Variants in ABCD2 observed in about 807,000 individuals in gnomAD.
ABCD2 encodes the protein ATP binding cassette subfamily D member 2.
ABCD2 carries 36 observed loss-of-function variants against 70.9 expected under a neutral mutation model. That is an observed-to-expected ratio of 0.51 (90% CI 0.39 to 0.67). ABCD2 has a LOEUF of 0.67. Ranked by LOEUF, ABCD2 falls within the 30% of genes least tolerant of loss-of-function variation. The pLI, the probability that ABCD2 is intolerant of heterozygous loss-of-function variation, is 0.00. For synonymous variants in ABCD2, 304 were observed against 306.9 expected (o/e 0.99, Z 0.10); for missense variants, 729 against 890.2 (o/e 0.82, Z 2.30).
At chr12:39,591,145 C>T (rs1025801179) in intron 6 of ABCD2, among the ~76,000 whole-genome samples, 1 of 152,124 alleles carries the variant, frequency 6.6e-6, no homozygotes, top group African/African-American at 2.4e-5. Flanking sequence ...AGTTAACAAT[C>T]TGAAAGGCAT....
chr12:39,591,570 G>T lies in ABCD2; in HGVS notation c.1647-5273C>A, dbSNP rs145875151. On this transcript the variant is annotated intron_variant, in intron 6 of 9. Transcript: ENST00000308666. ...CTACTAAAAATGCAAAAATTAGCCA[G>T]GTGTGGTGGCACACACCTGTAATCC... Among the ~76,000 whole-genome samples, 976 of 152,150 alleles carry T rather than the reference G, an allele frequency of 6.4e-3. 8 individuals carry two copies. The highest frequency in any genetic ancestry group is 0.023 in the African/African-American group (936 of 41,512).
intron 6 of ABCD2, among the ~76,000 whole-genome samples, chr12:39,597,111 A>G (rs189177583): frequency 3.3e-5 from 5 of 152,284 alleles, no homozygotes; most frequent in Admixed American, 3.3e-4. Flanking sequence ...ATGTATGCAA[A>G]TGATCTTCTG....
intron 8 of ABCD2, among the ~76,000 whole-genome samples, chr12:39,577,448 A>G (rs1941534887): frequency 6.6e-6 from 1 of 152,190 alleles, no homozygotes; most frequent in African/African-American, 2.4e-5. Flanking sequence ...TAGAATAGGC[A>G]ACATTCTACG....
At chr12:39,587,728 T>G (rs1941684952) in intron 6 of ABCD2, among the ~76,000 whole-genome samples, 1 of 152,122 alleles carries the variant, frequency 6.6e-6, no homozygotes, top group Non-Finnish European at 1.5e-5. Context: ...TCCCTCAAAG[T>G]GTTACTATTC....
In ABCD2 at chr12:39,603,940, TCTC is replaced by T. The variant is rs758097606; in HGVS notation, c.1469_1471del (p.Gly490del). 1.2e-6 allele frequency: 2 copies of T among 1,612,702 alleles called. No homozygotes were observed. The highest frequency in any genetic ancestry group is 1.3e-5 in the African/African-American group (1 of 74,974). On this transcript the variant is annotated inframe_deletion, in exon 5 of 10. Coordinates refer to ENST00000308666, the MANE Select transcript of ABCD2 (RefSeq NM_005164.4). ...GAAGTTTAGCCTGGAAGCCACCACT[TCTC>T]CTGCTGGTGTAATTATGGGAACATT... is the stretch of plus-strand genomic sequence containing the variant.
At chr12:39,565,543 G>T (rs1941332025) in intron 9 of ABCD2, among the ~76,000 whole-genome samples, 1 of 152,126 alleles carries the variant, frequency 6.6e-6, no homozygotes, top group African/African-American at 2.4e-5. Context: ...AGACAATGGG[G>T]TTTTCTAGGT....
intron 7 of ABCD2, among the ~76,000 whole-genome samples, chr12:39,584,187 T>C (rs1466205413): frequency 6.6e-6 from 1 of 152,210 alleles, no homozygotes; most frequent in African/African-American, 2.4e-5. Context: ...TTGTTATTTT[T>C]TGACTTTTTA....
At chr12:39,561,486 T>C (rs1941258247) in intron 9 of ABCD2, among the ~76,000 whole-genome samples, 1 of 151,030 alleles carries the variant, frequency 6.6e-6, no homozygotes, top group South Asian at 2.1e-4. Flanking sequence ...AAGGACAATA[T>C]AGACTAAAAG....
chr12:39,606,642 G>T (rs1328969220), intron 3 of ABCD2, among the ~76,000 whole-genome samples: 1 of 152,162 alleles, frequency 6.6e-6, no homozygotes, highest in East Asian at 1.9e-4. Flanking sequence ...TGAGTTGCTT[G>T]CTAGCCCTTT....
In ABCD2 at chr12:39,551,718, G is replaced by A. The variant is rs1039181846; in HGVS notation, c.*2194C>T. 6.6e-6 allele frequency: 1 copy of A among 151,734 alleles called. No individual in the cohort carries two copies. Among genetic ancestry groups the A allele is most frequent in the Non-Finnish European group, 1.5e-5 (1 of 67,712 alleles). The allele number at this position is 151,734 out of a possible 1,614,324, so 9.4% of individuals were successfully genotyped here. A position where few individuals can be genotyped will look rare whatever the true frequency, so the allele number is the denominator to read the frequency against. Reference sequence around the variant, plus strand: ...GAATCCTGTGCATCATAAATAATGAGTCTTTTTTGCTTTAGCTCATGGGTA... The same window carrying A: ...GAATCCTGTGCATCATAAATAATGAATCTTTTTTGCTTTAGCTCATGGGTA... On this transcript the variant is annotated 3_prime_UTR_variant, in exon 10 of 10. Coordinates refer to ENST00000308666, the MANE Select transcript of ABCD2 (RefSeq NM_005164.4).
At chr12:39,583,206 C>T (rs933926257) in intron 7 of ABCD2, among the ~76,000 whole-genome samples, 2 of 152,146 alleles carry the variant, frequency 1.3e-5, no homozygotes, top group African/African-American at 4.8e-5. Flanking sequence ...TAATGTTTTA[C>T]ATACAGTCTT....
chr12:39,558,399 G>A (rs1439570764), intron 9 of ABCD2, among the ~76,000 whole-genome samples: 1 of 152,208 alleles, frequency 6.6e-6, no homozygotes, highest in Non-Finnish European at 1.5e-5. Context: ...TTTTGAAAGT[G>A]AGGACATAAG....
chr12:39,577,297 G>A (rs1941532670), intron 8 of ABCD2, among the ~76,000 whole-genome samples: 1 of 151,932 alleles, frequency 6.6e-6, no homozygotes, highest in Admixed American at 6.6e-5. Context: ...TTTATGCTAT[G>A]TTCTTATTCA....
At chr12:39,567,264 C>G (rs973662615) in intron 9 of ABCD2, among the ~76,000 whole-genome samples, 1 of 152,196 alleles carries the variant, frequency 6.6e-6, no homozygotes, top group Non-Finnish European at 1.5e-5. Context: ...GTGCAGGAGT[C>G]TAAGTCTCTT....
chr12:39,567,500 C>A (rs1941371539), intron 9 of ABCD2, among the ~76,000 whole-genome samples: 1 of 152,038 alleles, frequency 6.6e-6, no homozygotes, highest in Non-Finnish European at 1.5e-5. Context: ...TTCCTCTATC[C>A]CTTTATTTTG....
chr12:39,586,430 C>T (rs1941667831), intron 6 of ABCD2, 133 bp from the exon 7 acceptor site: 8 of 825,198 alleles, frequency 9.7e-6, no homozygotes, highest in Admixed American at 3.1e-5. Context: ...TGTTACCTGG[C>T]GATGAGTACT....
chr12:39,537,444 C>T, the ABCD2 span, among the ~76,000 whole-genome samples: 2 of 152,176 alleles, frequency 1.3e-5, no homozygotes, highest in East Asian at 1.9e-4. Flanking sequence ...AAAATGATGT[C>T]TGAAATGTTT....
At chr12:39,602,444 G>T (rs957701441) in intron 5 of ABCD2, among the ~76,000 whole-genome samples, 1 of 152,032 alleles carries the variant, frequency 6.6e-6, no homozygotes, top group Non-Finnish European at 1.5e-5. Context: ...ATGAGCCACC[G>T]CGCCCAGCCT....
Position 39,576,471 on chromosome 12 carries a change from G to A in ABCD2, c.1878-2630C>T, listed in dbSNP as rs143255853. Among the ~76,000 whole-genome samples the A allele has an allele frequency of 2.2e-4, 34 of 152,062 alleles. 1 individual carries two copies. In the East Asian group the frequency reaches 6.6e-3, roughly 29 times the overall value. On this transcript the variant is annotated intron_variant, in intron 8 of 9. Transcript: ENST00000308666. ...ACCGCGCCCGGGATCAAGCTGTAAA[G>A]TTTACTCTTGAATTTCACTACATCT...
Sources: gnomAD v4.1 joint callset for allele counts (sites outside exome capture counted in the v4.1 genomes callset) on GRCh38, gnomAD v4.1.1 for gene constraint, MANE v1.5 for transcripts, NCBI Gene and HGNC (gene_info 2026-07-23, HGNC 2026-07-21) for gene names.